The following CATSPERD variants were observed in gnomAD, a reference collection of about 807,000 sequenced individuals.
CATSPERD encodes the protein cation channel sperm-associated auxiliary subunit delta.
Under a neutral mutation model 98.1 loss-of-function variants are expected in CATSPERD, and 86 were observed. The ratio of observed to expected loss-of-function variants is 0.88; its 90% CI spans 0.74 to 1.05. The LOEUF is 1.05. CATSPERD is among the 50% of genes least tolerant of loss of function. The pLI is 0.00. For synonymous variants in CATSPERD, 394 were observed against 390.2 expected (o/e 1.01, Z -0.12); for missense variants, 995 against 1,005.7 (o/e 0.99, Z 0.14).
At chr19:5,768,410 C>T (rs2056584400) in intron 18 of CATSPERD, among the ~76,000 whole-genome samples, 168 bp downstream of exon 18, 1 of 151,924 alleles carries the variant, frequency 6.6e-6, no homozygotes, top group Non-Finnish European at 1.5e-5. Flanking sequence ...GATCTCGGCT[C>T]ACTGCAAGCT....
chr19:5,729,821 C>T (rs766651930), intron 3 of CATSPERD, 51 bp from the exon 4 acceptor site: 18 of 1,168,522 alleles, frequency 1.5e-5, no homozygotes, highest in Admixed American at 1.2e-4. Context: ...TGTCTTTTTT[C>T]TTTCCTTGTG....
chr19:5,752,039 G>C (rs558456140), intron 12 of CATSPERD, among the ~76,000 whole-genome samples: 1 of 152,096 alleles, frequency 6.6e-6, no homozygotes, highest in African/African-American at 2.4e-5. Context: ...GGCCAGGTAC[G>C]GTGGGAGACT....
At chr19:5,742,332 G>T (rs1008430151) in intron 7 of CATSPERD, among the ~76,000 whole-genome samples, 1 of 119,864 alleles carries the variant, frequency 8.3e-6, no homozygotes, top group Non-Finnish European at 2.0e-5. Flanking sequence ...GCGTGTGCAT[G>T]TGTGTACATG....
chr19:5,741,241 C>T (rs1304466581), intron 7 of CATSPERD, among the ~76,000 whole-genome samples: 1 of 152,042 alleles, frequency 6.6e-6, no homozygotes, highest in African/African-American at 2.4e-5. Context: ...AACCAATGTC[C>T]CCCCAAAATT....
chr19:5,772,851 GC>G lies in CATSPERD; in HGVS notation c.1828del (p.Gln610SerfsTer8). On this transcript the variant is annotated frameshift_variant, in exon 20 of 22. Coordinates refer to ENST00000381624, the MANE Select transcript of CATSPERD (RefSeq NM_152784.4). LOFTEE classifies it high-confidence loss of function. Reference protein sequence around the residue: ...AEYVLLEVNGQFSYSYSLTAQ... With the variant: ...AEYVLLEVNGXFSYSYSLTAQ... ...AGTATGTGTTACTGGAGGTGAACGG[GC>G]AGTTCTCATACTCCTATTCCCTGAC... 1 of 1,614,078 alleles carries G rather than the reference GC, an allele frequency of 6.2e-7. No individual in the cohort carries two copies. Among genetic ancestry groups the G allele is most frequent in the Non-Finnish European group, 8.5e-7 (1 of 1,180,006 alleles).
intron 3 of CATSPERD, among the ~76,000 whole-genome samples, chr19:5,727,757 G>A (rs73544733): frequency 0.059 from 9,022 of 152,140 alleles, 720 homozygotes; most frequent in African/African-American, 0.18. Context: ...TAGCATGCAC[G>A]TGAGTTCGTA....
chr19:5,722,542 C>T (rs1417260596), intron 1 of CATSPERD, among the ~76,000 whole-genome samples: 4 of 152,304 alleles, frequency 2.6e-5, no homozygotes, highest in Admixed American at 2.6e-4. Context: ...TAGGATTTGT[C>T]TCGAGTTCTG....
intron 15 of CATSPERD, among the ~76,000 whole-genome samples, chr19:5,762,417 A>G (rs1281697900): frequency 2.0e-5 from 3 of 151,996 alleles, no homozygotes; most frequent in African/African-American, 7.2e-5. Flanking sequence ...TATCACAAGA[A>G]CACCAAGGGG....
At chr19:5,765,701 A>G (rs2436523) in intron 16 of CATSPERD, among the ~76,000 whole-genome samples, 122,007 of 151,642 alleles carry the variant, frequency 0.8, 49,451 homozygotes, top group Non-Finnish European at 0.86. Flanking sequence ...AATCCCAGCT[A>G]CTTGGGAAGC....
intron 15 of CATSPERD, among the ~76,000 whole-genome samples, chr19:5,761,256 C>A (rs1408807253): frequency 6.6e-6 from 1 of 152,076 alleles, no homozygotes; most frequent in Non-Finnish European, 1.5e-5. Flanking sequence ...CATGTGCCAC[C>A]ACGCCCAGCT....
In CATSPERD at chr19:5,733,738, G is replaced by A. The variant is rs563901907; in HGVS notation, c.277-118G>A. On this transcript the variant is annotated intron_variant, in intron 4 of 21. Transcript: ENST00000381624. ...CCCAAAGTGCTGGGATTACAAGCGA[G>A]GGCCACCGCGCCCGTCCATACATTT... The A allele has an allele frequency of 1.9e-5, 13 of 695,528 alleles. No individual in the cohort carries two copies. In the East Asian group the frequency reaches 3.4e-4, roughly 18 times the overall value. The allele number at this position is 695,528 out of a possible 1,614,324, so 43.1% of individuals were successfully genotyped here.
intron 7 of CATSPERD, among the ~76,000 whole-genome samples, chr19:5,742,170 GTGTGTA>G (rs1599537404): frequency 1.9e-5 from 2 of 107,706 alleles, no homozygotes; most frequent in Non-Finnish European, 4.4e-5. Context: ...GTGTGTGCGT[GTGTGTA>G]TGTATGTGAA....
intron 7 of CATSPERD, among the ~76,000 whole-genome samples, chr19:5,740,503 C>T (rs1300146748): frequency 6.6e-6 from 1 of 151,874 alleles, no homozygotes; most frequent in African/African-American, 2.4e-5. Context: ...CGGAGAATCA[C>T]TTGAACCCAG....
At chr19:5,733,996 T>C in intron 5 of CATSPERD, 26 bp downstream of exon 5, 1 of 1,449,360 alleles carries the variant, frequency 6.9e-7, no homozygotes, top group Non-Finnish European at 9.6e-7. Context: ...ATTTTTAAAT[T>C]TTGTTTGAGT....
At chr19:5,760,791 G>A (rs2056419487) in intron 15 of CATSPERD, among the ~76,000 whole-genome samples, 1 of 151,924 alleles carries the variant, frequency 6.6e-6, no homozygotes, top group African/African-American at 2.4e-5. Flanking sequence ...CAACTCAGGA[G>A]ATCCATAGCA....
chr19:5,744,485 C>T lies in CATSPERD; in HGVS notation c.632C>T (p.Ala211Val), dbSNP rs1475011855. Residue 211 changes from alanine (A) to valine (V), a missense_variant, in exon 8 of 22, where the codon GCG becomes GTG. Physicochemically the swap from Ala to Val is moderately conservative, Grantham distance 64. Transcript: ENST00000381624. ...CACTTTTTTTCTTTGTCACAGGTTGCGATGCTTGTAGTGAATCAAGGGAAG... is the reference window on the plus strand; with the variant it reads ...CACTTTTTTTCTTTGTCACAGGTTGTGATGCTTGTAGTGAATCAAGGGAAG... Reference protein sequence around the residue: ...IFHFFSLSQVAMLVVNQGKGM... With the variant: ...IFHFFSLSQVVMLVVNQGKGM... 8.1e-6 allele frequency: 13 copies of T among 1,611,938 alleles called. No individual in the cohort carries two copies. Among genetic ancestry groups the T allele is most frequent in the Non-Finnish European group, 9.3e-6 (11 of 1,178,706 alleles).
At chr19:5,739,668 CA>C (rs2055918194) in intron 7 of CATSPERD, among the ~76,000 whole-genome samples, 1 of 150,252 alleles carries the variant, frequency 6.7e-6, no homozygotes. Flanking sequence ...CCCATCTCTA[CA>C]AAAAATAAAA....
intron 5 of CATSPERD, among the ~76,000 whole-genome samples, chr19:5,735,233 G>T (rs1003796001): frequency 2.6e-5 from 4 of 152,138 alleles, no homozygotes; most frequent in Admixed American, 1.3e-4. Flanking sequence ...TGCCTCCTGG[G>T]TTCAAGCGAT....
chr19:5,733,741 C>T, intron 4 of CATSPERD, 115 bp from the exon 5 acceptor site: 1 of 710,074 alleles, frequency 1.4e-6, no homozygotes, highest in Non-Finnish European at 2.4e-6. Flanking sequence ...CAAGCGAGGG[C>T]CACCGCGCCC....
Sources: allele counts gnomAD v4.1 joint callset (sites outside exome capture counted in the v4.1 genomes callset), GRCh38; gene constraint gnomAD v4.1.1; transcripts MANE v1.5; gene names NCBI Gene and HGNC (gene_info 2026-07-23, HGNC 2026-07-21).